Variants in GSK3A observed in about 807,000 individuals in gnomAD.
GSK3A encodes glycogen synthase kinase 3 alpha.
In GSK3A, 14 loss-of-function variants were observed where a neutral mutation model predicts 56.6. That is an observed-to-expected ratio of 0.25 (90% CI 0.16 to 0.39). The LOEUF (loss-of-function observed/expected upper bound fraction) is 0.39, where lower values mean the gene tolerates loss of function less well. GSK3A is among the 10% of genes least tolerant of loss of function. The pLI, the probability that GSK3A is intolerant of heterozygous loss-of-function variation, is 1.00. For missense variants in GSK3A, 450 were observed against 656.0 expected, an observed-to-expected ratio of 0.69 and a Z score of 3.43; for synonymous variants, 301 against 285.0, an observed-to-expected ratio of 1.06 and a Z score of -0.56.
Position 42,236,726 on chromosome 19 carries a change from G to C in GSK3A, c.556-10C>G, listed in dbSNP as rs1428285417. On this transcript the variant is annotated splice_polypyrimidine_tract_variant and intron_variant, in intron 3 of 10. Coordinates refer to ENST00000222330, the MANE Select transcript of GSK3A (RefSeq NM_019884.3). ...GGTAAAGCTCGTCTTTCTGCAGGGAGCAAAGGAGAGGTGTGAGGCACTGTG... is the reference window on the plus strand; with the variant it reads ...GGTAAAGCTCGTCTTTCTGCAGGGACCAAAGGAGAGGTGTGAGGCACTGTG... 6.3e-7 allele frequency: 1 copy of C among 1,596,956 alleles called. No individual in the cohort carries two copies. The highest frequency in any genetic ancestry group is 8.6e-7 in the Non-Finnish European group (1 of 1,164,452).
rs141767206 is a variant in GSK3A at position 42,234,837 on chromosome 19, A to G, written c.667-159T>C. Among the ~76,000 whole-genome samples the G allele has an allele frequency of 3.9e-5, 6 of 152,346 alleles. No homozygotes were observed. In the East Asian group the frequency reaches 1.2e-3, roughly 29 times the overall value. ...TGAAACCTTGGTTCTCTTAATGTGCACCACAATCACTTGAAGGACTTGTTA... is the reference window on the plus strand; with the variant it reads ...TGAAACCTTGGTTCTCTTAATGTGCGCCACAATCACTTGAAGGACTTGTTA... On this transcript the variant is annotated intron_variant, in intron 4 of 10. Coordinates refer to ENST00000222330, the MANE Select transcript of GSK3A (RefSeq NM_019884.3). The surrounding 1 kb of genome is among the most constrained non-coding windows in gnomAD (Gnocchi z 5.7).
intron 10 of GSK3A, 67 bp downstream of exon 10, chr19:42,231,990 G>A: frequency 2.5e-6 from 2 of 814,684 alleles, no homozygotes; most frequent in Non-Finnish European, 4.0e-6. Flanking sequence ...CCCAGTCACT[G>A]AGCGAACAGC....
chr19:42,231,235 G>A (rs575239236), intron 10 of GSK3A, among the ~76,000 whole-genome samples: 6 of 152,216 alleles, frequency 3.9e-5, no homozygotes, highest in East Asian at 1.9e-4. Context: ...TGGTATGAGC[G>A]TGTAATCCCA....
At chr19:42,239,817 A>G in intron 2 of GSK3A, 138 bp downstream of exon 2, 1 of 680,814 alleles carries the variant, frequency 1.5e-6, no homozygotes, top group Non-Finnish European at 2.5e-6. Context: ...CCCATCTTTC[A>G]CAGGTCTCAT....
chr19:42,242,499 G>C lies in GSK3A; in HGVS notation c.-34C>G. 1 of 1,078,344 alleles carries C rather than the reference G, an allele frequency of 9.3e-7. No homozygotes were observed. Among genetic ancestry groups the C allele is most frequent in the Non-Finnish European group, 1.1e-6 (1 of 892,628 alleles). The allele number at this position is 1,078,344 out of a possible 1,614,324, so 66.8% of individuals were successfully genotyped here. ...GCACAGGCCCAGGCTGCGGGGCTCG[G>C]GCTGCCCGGGCTGCCCCAGCCGCCG... On this transcript the variant is annotated 5_prime_UTR_variant, in exon 1 of 11. Transcript: ENST00000222330.
chr19:42,232,082 A>G lies in GSK3A; in HGVS notation c.1353T>C (p.Thr451=), dbSNP rs1169985882. The change falls in exon 10 of 11, where the codon ACT becomes ACC. Residue 451 remains threonine, a synonymous_variant. Coordinates refer to ENST00000222330, the MANE Select transcript of GSK3A (RefSeq NM_019884.3). The part of the protein sequence containing the change: ...IPPHLRSPAG[T]TTLTPSSQAL... ...CTTGTGAGGACGGGGTGAGGGTGGT[A>G]GTGCCCGCTGGGGACCTCAAGTGAG... 1.2e-6 allele frequency: 2 copies of G among 1,607,540 alleles called. No homozygotes were observed. The highest frequency in any genetic ancestry group is 1.7e-6 in the Non-Finnish European group (2 of 1,174,838).
intron 9 of GSK3A, 42 bp downstream of exon 9, chr19:42,232,454 C>A: frequency 6.3e-7 from 1 of 1,586,736 alleles, no homozygotes; most frequent in South Asian, 1.1e-5. Context: ...TGGCTGCCCC[C>A]CTACCCCGCC....
intron 4 of GSK3A, 110 bp downstream of exon 4, chr19:42,236,496 C>T (rs946587038): frequency 1.6e-5 from 12 of 762,720 alleles, no homozygotes; most frequent in Non-Finnish European, 2.9e-5. Context: ...GACATGGGGC[C>T]TCCAAAAACC....
intron 8 of GSK3A, 21 bp downstream of exon 8, chr19:42,233,089 G>C (rs1290263404): frequency 8.0e-6 from 12 of 1,502,406 alleles, no homozygotes; most frequent in African/African-American, 1.4e-5. Context: ...ATACTGCCCT[G>C]AGCCCCTAGC....
At chr19:42,241,821 G>A (rs1028475044) in intron 1 of GSK3A, 1 of 189,152 alleles carries the variant, frequency 5.3e-6, no homozygotes, top group Non-Finnish European at 1.1e-5. Context: ...GTTCTCTTAG[G>A]AGACAATAAC....
rs1344707457 is a variant in GSK3A at position 42,230,434 on chromosome 19, C to CAGGGA, written c.*355_*359dup. ...TAACAATCTATTTACACCCGGGGGCCAGGGAAGGGAAGAGGAGACGGGCTG... is the reference window on the plus strand; with the variant it reads ...TAACAATCTATTTACACCCGGGGGCCAGGGAAGGGAAGGGAAGAGGAGACGGGCTG... On this transcript the variant is annotated 3_prime_UTR_variant, in exon 11 of 11. Coordinates refer to ENST00000222330, the MANE Select transcript of GSK3A (RefSeq NM_019884.3). 1 of 291,760 alleles carries CAGGGA rather than the reference C, an allele frequency of 3.4e-6. No individual in the cohort carries two copies. Among genetic ancestry groups the CAGGGA allele is most frequent in the Non-Finnish European group, 6.4e-6 (1 of 156,132 alleles). 18.1% of individuals were successfully genotyped at this position (291,760 alleles called of 1,614,324 possible). A position where few individuals can be genotyped will look rare whatever the true frequency, so the allele number is the denominator to read the frequency against.
In GSK3A at chr19:42,234,443, G is replaced by A; in HGVS notation, c.814C>T (p.Arg272Ter). The A allele has an allele frequency of 6.2e-7, 1 of 1,614,124 alleles. No individual in the cohort carries two copies. Among genetic ancestry groups the A allele is most frequent in the Non-Finnish European group, 8.5e-7 (1 of 1,179,978 alleles). The change falls in exon 6 of 11, where the codon CGA (arginine) becomes TGA (stop). Residue 272 changes from arginine (R) to a stop codon, truncating the protein, a stop_gained. Transcript: ENST00000222330. LOFTEE classifies it high-confidence loss of function. This position sits in a 1 kb window ranked among gnomAD's most constrained non-coding sequence, Gnocchi z 5.7. ...CDFGSAKQLV[R>*]GEPNVSYICS... is the part of the protein sequence containing the mutation. Reference sequence around the variant, plus strand: ...ATGTAGGAGACATTGGGCTCCCCTCGGACCAACTGCTTTGCACTGTGGGAA... The same window carrying A: ...ATGTAGGAGACATTGGGCTCCCCTCAGACCAACTGCTTTGCACTGTGGGAA...
intron 2 of GSK3A, among the ~76,000 whole-genome samples, chr19:42,237,316 G>A (rs990915229): frequency 7.9e-5 from 12 of 151,366 alleles, no homozygotes; most frequent in Admixed American, 2.0e-4. Flanking sequence ...GCACCACCAC[G>A]CCCAGCTAAT....
chr19:42,231,268 G>A (rs1478508240), intron 10 of GSK3A, among the ~76,000 whole-genome samples: 1 of 152,162 alleles, frequency 6.6e-6, no homozygotes, highest in Non-Finnish European at 1.5e-5. Flanking sequence ...GCTGAGGCAG[G>A]AGAATCACTT....
In GSK3A at chr19:42,236,652, C is replaced by T. The variant is rs374117558; in HGVS notation, c.620G>A (p.Arg207His). Residue 207 changes from arginine (R) to histidine (H), a missense_variant, in exon 4 of 11, where the codon CGC becomes CAC. By Grantham distance (29) the Arg-to-His change is conservative. This residue lies in a region of GSK3A where 144 missense variants were observed against 308.0 expected (regional missense o/e 0.47). Transcript: ENST00000222330. ...GGTCAACTTGGCCTTGGTGAAGTGG[C>T]GGGCCACCCGGTACACTGTCTCGGG... is the stretch of plus-strand genomic sequence containing the variant. ...YVPETVYRVA[R>H]HFTKAKLTIP... The T allele has an allele frequency of 1.2e-6, 2 of 1,613,892 alleles. No homozygotes were observed. The highest frequency in any genetic ancestry group is 2.2e-5 in the East Asian group (1 of 44,876).
Position 42,236,762 on chromosome 19 carries a change from G to A in GSK3A, c.556-46C>T, listed in dbSNP as rs993789515. 6 of 1,522,776 alleles carry A rather than the reference G, an allele frequency of 3.9e-6. No individual in the cohort carries two copies. In the African/African-American group the frequency reaches 6.8e-5, roughly 17 times the overall value. The allele number at this position is 1,522,776 out of a possible 1,614,324, so 94.3% of individuals were successfully genotyped here. Reference sequence around the variant, plus strand: ...GTGTGAGGCACTGTGAGAAGAGTGAGGAGGGGGAAGGAAGGTATGCAGGGA... The same window carrying A: ...GTGTGAGGCACTGTGAGAAGAGTGAAGAGGGGGAAGGAAGGTATGCAGGGA... On this transcript the variant is annotated intron_variant, in intron 3 of 10. Coordinates refer to ENST00000222330, the MANE Select transcript of GSK3A (RefSeq NM_019884.3).
At chr19:42,239,820 G>A in intron 2 of GSK3A, 135 bp downstream of exon 2, 1 of 688,114 alleles carries the variant, frequency 1.5e-6, no homozygotes, top group East Asian at 2.7e-5. Flanking sequence ...ATCTTTCACA[G>A]GTCTCATTTC....
At chr19:42,233,494 A>C in intron 6 of GSK3A, 111 bp from the exon 7 acceptor site, 1 of 723,416 alleles carries the variant, frequency 1.4e-6, no homozygotes, top group Admixed American at 2.7e-5. Context: ...GTTTTCTCAA[A>C]GACAAAGCAC....
chr19:42,236,648 G>A lies in GSK3A; in HGVS notation c.624C>T (p.His208=). The A allele has an allele frequency of 1.2e-6, 2 of 1,614,042 alleles. No homozygotes were observed. Among genetic ancestry groups the A allele is most frequent in the African/African-American group, 1.3e-5 (1 of 75,052 alleles). The change falls in exon 4 of 11, where the codon CAC becomes CAT. Residue 208 remains histidine (H), a synonymous_variant. Transcript: ENST00000222330. ...VPETVYRVAR[H]FTKAKLTIPI... ...GGATGGTCAACTTGGCCTTGGTGAAGTGGCGGGCCACCCGGTACACTGTCT... is the reference window on the plus strand; with the variant it reads ...GGATGGTCAACTTGGCCTTGGTGAAATGGCGGGCCACCCGGTACACTGTCT...
Sources: gnomAD v4.1 joint callset for allele counts (sites outside exome capture counted in the v4.1 genomes callset) on GRCh38, gnomAD v4.1.1 for gene constraint, gnomAD v4.1.1 regional missense constraint, Gnocchi (gnomAD v3.1) non-coding constraint, MANE v1.5 for transcripts, NCBI Gene and HGNC (gene_info 2026-07-23, HGNC 2026-07-21) for gene names.